The following OOSP4B variants were observed in gnomAD, a reference collection of about 807,000 sequenced individuals.
OOSP4B encodes oocyte-secreted protein 4B.
At chr11:60,024,391 T>G (rs1367438951) in intron 2 of OOSP4B, among the ~76,000 whole-genome samples, 2 of 152,054 alleles carry the variant, frequency 1.3e-5, no homozygotes, top group African/African-American at 4.8e-5. Context: ...AATACCAAAT[T>G]TAGCTGGGTG....
chr11:60,020,729 G>A (rs931815797), intron 1 of OOSP4B, among the ~76,000 whole-genome samples: 4 of 152,268 alleles, frequency 2.6e-5, no homozygotes, highest in Middle Eastern at 3.2e-3. Flanking sequence ...CCGAGGAGGC[G>A]TGGAGAGCGA....
chr11:60,017,186 A>G (rs1272585380), exon 1 of OOSP4B: 3 of 393,872 alleles, frequency 7.6e-6, no homozygotes, highest in Admixed American at 4.4e-5. Context: ...ACAAGCTCCC[A>G]GGTTGCCTAT....
At chr11:60,022,662 G>A (rs752065584) in intron 1 of OOSP4B, among the ~76,000 whole-genome samples, 8 of 152,120 alleles carry the variant, frequency 5.3e-5, no homozygotes, top group African/African-American at 1.9e-4. Flanking sequence ...GTCTTCTGTG[G>A]TTGGACTAGT....
chr11:60,028,633 G>A (rs1748210707), intron 3 of OOSP4B, among the ~76,000 whole-genome samples: 2 of 152,028 alleles, frequency 1.3e-5, no homozygotes, highest in Admixed American at 6.6e-5. Flanking sequence ...GCTACGCTGG[G>A]GTTTGAGTTT....
At chr11:60,023,580 G>T (rs1442048227) in intron 1 of OOSP4B, among the ~76,000 whole-genome samples, 3 of 151,962 alleles carry the variant, frequency 2.0e-5, no homozygotes, top group Non-Finnish European at 4.4e-5. Context: ...GATTACAGGG[G>T]CACGCCACCA....
At chr11:60,018,190 G>A (rs1854645426) in intron 1 of OOSP4B, among the ~76,000 whole-genome samples, 1 of 152,208 alleles carries the variant, frequency 6.6e-6, no homozygotes, top group Non-Finnish European at 1.5e-5. Context: ...ATGTCAGTGT[G>A]AGAGGTTTGC....
At position 60,020,578 on chromosome 11, in the gene OOSP4B, C is replaced by T. The variant is rs995949504; in HGVS notation, c.22+3165C>T. 8.5e-5 allele frequency among the ~76,000 whole-genome samples: 13 copies of T among 152,296 alleles called. No individual in the cohort carries two copies. The South Asian group carries it at 1.7e-3, about 19-fold the overall frequency. ...GGCCTGCAAGCACAGCGAGCAGCCC[C>T]GGTTCCCGCCGGCGCCTCTCCCTCC... On this transcript the variant is annotated intron_variant, in intron 1 of 4. Transcript: ENST00000642343.
At chr11:60,030,686 AT>A (rs201752988) in intron 4 of OOSP4B, 115 bp from the exon 5 acceptor site, 44 of 391,852 alleles carry the variant, frequency 1.1e-4, no homozygotes, top group South Asian at 4.1e-4. Context: ...TAGAAATGTG[AT>A]TTTTTTTTCC....
intron 1 of OOSP4B, among the ~76,000 whole-genome samples, chr11:60,020,741 C>T (rs1009027792): frequency 2.6e-5 from 4 of 152,210 alleles, no homozygotes; most frequent in Admixed American, 2.0e-4. Context: ...GGAGAGCGAG[C>T]GAGGGCTGTG....
chr11:60,018,881 G>A (rs1360572355), intron 1 of OOSP4B, among the ~76,000 whole-genome samples: 2 of 152,142 alleles, frequency 1.3e-5, no homozygotes, highest in Admixed American at 6.5e-5. Context: ...AGTCACATTA[G>A]ACGAATCTAG....
chr11:60,019,792 G>A (rs769805235), intron 1 of OOSP4B, among the ~76,000 whole-genome samples: 7 of 152,214 alleles, frequency 4.6e-5, no homozygotes, highest in African/African-American at 7.2e-5. Flanking sequence ...CCCCCAACGG[G>A]TTGCCAGTGC....
At chr11:60,030,916 T>C in exon 5 of OOSP4B, 1 of 397,748 alleles carries the variant, frequency 2.5e-6, no homozygotes, top group Non-Finnish European at 4.4e-6. Context: ...TCATCAATAC[T>C]GTTGATGTGT....
intron 3 of OOSP4B, among the ~76,000 whole-genome samples, chr11:60,026,154 C>T (rs1565049767): frequency 2.6e-5 from 4 of 152,232 alleles, no homozygotes; most frequent in Admixed American, 1.3e-4. Flanking sequence ...GAGCAGACGT[C>T]TTTAATTTTG....
chr11:60,022,741 T>TG (rs1299625078), intron 1 of OOSP4B, among the ~76,000 whole-genome samples: 8 of 151,872 alleles, frequency 5.3e-5, no homozygotes, highest in African/African-American at 1.7e-4. Flanking sequence ...GATGAAGATG[T>TG]GGTTTTTTTT....
At chr11:60,028,858 T>C (rs993300397) in intron 3 of OOSP4B, among the ~76,000 whole-genome samples, 2 of 152,154 alleles carry the variant, frequency 1.3e-5, no homozygotes, top group Admixed American at 1.3e-4. Context: ...ACTTAATGAC[T>C]TTTTGAGTGG....
intron 1 of OOSP4B, among the ~76,000 whole-genome samples, chr11:60,018,560 A>C (rs1333690521): frequency 6.6e-6 from 1 of 152,218 alleles, no homozygotes; most frequent in Non-Finnish European, 1.5e-5. Flanking sequence ...GCCAGACCTG[A>C]AACCAGCTGA....
chr11:60,017,471 T>G (rs1237897271), intron 1 of OOSP4B, 58 bp downstream of exon 1: 15 of 398,512 alleles, frequency 3.8e-5, no homozygotes, highest in Non-Finnish European at 5.3e-5. Flanking sequence ...AACCCAGGTA[T>G]GCATAAGAAA....
intron 1 of OOSP4B, among the ~76,000 whole-genome samples, chr11:60,019,048 C>T (rs1232662627): frequency 6.6e-6 from 1 of 151,966 alleles, no homozygotes; most frequent in Non-Finnish European, 1.5e-5. Flanking sequence ...GAAACCCCGT[C>T]TCTACTAAAC....
intron 1 of OOSP4B, among the ~76,000 whole-genome samples, chr11:60,019,163 C>T (rs1359636045): frequency 6.6e-6 from 1 of 151,994 alleles, no homozygotes; most frequent in African/African-American, 2.4e-5. Context: ...GCAGAGGTTG[C>T]AGTGAGCTGA....
Sources: allele counts gnomAD v4.1 joint callset (sites outside exome capture counted in the v4.1 genomes callset), GRCh38; gene constraint gnomAD v4.1.1; transcripts MANE v1.5; gene names NCBI Gene and HGNC (gene_info 2026-07-23, HGNC 2026-07-21).